Variants in KCNN2 observed in about 807,000 individuals in gnomAD.
KCNN2 encodes the protein small conductance calcium-activated potassium channel protein 2.
In KCNN2, 24 loss-of-function variants were observed where a neutral mutation model predicts 55.5. That is an observed-to-expected ratio of 0.43 (90% CI 0.31 to 0.61). KCNN2 has a LOEUF of 0.61. KCNN2 is among the 20% of genes least tolerant of loss of function. The pLI is 0.08. For missense variants in KCNN2, 754 were observed against 853.6 expected, an observed-to-expected ratio of 0.88 and a Z score of 1.45; for synonymous variants, 431 against 336.1, an observed-to-expected ratio of 1.28 and a Z score of -3.09.
intron 2 of KCNN2, among the ~76,000 whole-genome samples, chr5:114,350,832 A>G (rs1757193278): frequency 6.6e-6 from 1 of 151,910 alleles, no homozygotes; most frequent in South Asian, 2.1e-4. Flanking sequence ...ATGTTATGCC[A>G]TTACCACACT....
chr5:114,153,651 C>T (rs539642025), intron 1 of KCNN2, among the ~76,000 whole-genome samples: 19 of 152,278 alleles, frequency 1.2e-4, no homozygotes, highest in African/African-American at 2.2e-4. Flanking sequence ...ATGAATCTTA[C>T]GGTGGATAGT....
At chr5:114,267,020 G>T (rs116784772) in intron 2 of KCNN2, among the ~76,000 whole-genome samples, 1,990 of 116,876 alleles carry the variant, frequency 0.017, 29 homozygotes, top group Non-Finnish European at 0.024. Flanking sequence ...TTTTTGAGAC[G>T]AAGTCTCCCT....
chr5:114,112,190 A>G (rs1751612811), intron 1 of KCNN2, among the ~76,000 whole-genome samples: 1 of 152,188 alleles, frequency 6.6e-6, no homozygotes, highest in African/African-American at 2.4e-5. Context: ...GACATGGATG[A>G]AGCTGGAAAC....
chr5:114,089,477 A>G (rs1020273827), intron 1 of KCNN2, among the ~76,000 whole-genome samples: 28 of 152,196 alleles, frequency 1.8e-4, no homozygotes, highest in African/African-American at 6.0e-4. Flanking sequence ...TTTTAAATTC[A>G]TAATTGTTCT....
intron 2 of KCNN2, among the ~76,000 whole-genome samples, chr5:114,295,114 C>T (rs1418256176): frequency 2.0e-5 from 3 of 152,184 alleles, no homozygotes; most frequent in African/African-American, 7.2e-5. Context: ...TGTGCCCCTA[C>T]TGAGGGGTGC....
chr5:114,144,359 T>A (rs1580553562), intron 1 of KCNN2, among the ~76,000 whole-genome samples: 1 of 152,152 alleles, frequency 6.6e-6, no homozygotes, highest in Non-Finnish European at 1.5e-5. Flanking sequence ...CCAAGTAGAA[T>A]TTTTTTGCCA....
chr5:114,483,360 C>G (rs902465314), intron 5 of KCNN2, among the ~76,000 whole-genome samples: 3 of 150,518 alleles, frequency 2.0e-5, no homozygotes, highest in Non-Finnish European at 4.4e-5. Context: ...CTGCAACCTC[C>G]ACCTCCTGGG....
intron 2 of KCNN2, among the ~76,000 whole-genome samples, chr5:114,272,999 G>A (rs898881946): frequency 2.6e-5 from 4 of 151,938 alleles, no homozygotes; most frequent in African/African-American, 9.7e-5. Context: ...CCTACATTAG[G>A]CATTTCTCCT....
At chr5:114,103,512 A>G (rs532296305) in intron 1 of KCNN2, among the ~76,000 whole-genome samples, 12 of 152,292 alleles carry the variant, frequency 7.9e-5, no homozygotes, top group East Asian at 3.9e-4. Context: ...CCTGTTTTCA[A>G]AGGAATGCTT....
chr5:114,357,401 A>C, upstream of KCNN2, among the ~76,000 whole-genome samples: 2 of 135,388 alleles, frequency 1.5e-5, no homozygotes, highest in South Asian at 2.8e-4. Context: ...TGCACCCACT[A>C]ACTCGTCATC....
chr5:114,336,113 C>T (rs1246503791), intron 2 of KCNN2, among the ~76,000 whole-genome samples: 4 of 152,114 alleles, frequency 2.6e-5, no homozygotes, highest in African/African-American at 9.7e-5. Flanking sequence ...CCTTTAAGTA[C>T]ACGAATAAGG....
intron 1 of KCNN2, among the ~76,000 whole-genome samples, chr5:114,071,345 A>G (rs1750565416): frequency 6.6e-6 from 1 of 152,184 alleles, no homozygotes. Context: ...AACCCTTGTG[A>G]GAAAATCTGA....
At chr5:114,261,937 G>C (rs1755117692) in intron 2 of KCNN2, among the ~76,000 whole-genome samples, 1 of 152,146 alleles carries the variant, frequency 6.6e-6, no homozygotes. Flanking sequence ...TGAACAATCT[G>C]AAAACCTTGC....
intron 1 of KCNN2, among the ~76,000 whole-genome samples, chr5:114,169,691 C>T (rs1426053647): frequency 1.3e-5 from 2 of 152,020 alleles, no homozygotes; most frequent in African/African-American, 4.8e-5. Flanking sequence ...ATGTGCACCC[C>T]TTTTGGTGAG....
chr5:114,324,802 G>C lies in KCNN2; in HGVS notation c.-184-36143G>C, dbSNP rs551470396. Reference sequence around the variant, plus strand: ...GCAGAAGCTGGAAGAATTTTCATGAGTGTTACAGAAAAAGCCTAGATTGCC... The same window carrying C: ...GCAGAAGCTGGAAGAATTTTCATGACTGTTACAGAAAAAGCCTAGATTGCC... On this transcript the variant is annotated intron_variant, in intron 2 of 10. Transcript: ENST00000512097. 3.3e-4 allele frequency among the ~76,000 whole-genome samples: 51 copies of C among 152,292 alleles called. No homozygotes were observed. In the South Asian group the frequency reaches 0.01, roughly 30 times the overall value.
At chr5:114,154,845 C>T (rs377311506) in intron 1 of KCNN2, among the ~76,000 whole-genome samples, 2 of 152,200 alleles carry the variant, frequency 1.3e-5, no homozygotes, top group East Asian at 3.9e-4. Flanking sequence ...ACTTTTCCTA[C>T]TTGTAGCAAT....
rs1401586734 is a variant in KCNN2, at chr5:114,362,638, G to C, written c.499G>C (p.Ala167Pro). The C allele has an allele frequency of 8.1e-7, 1 of 1,228,050 alleles. No homozygotes were observed. Among genetic ancestry groups the C allele is most frequent in the Admixed American group, 3.0e-5 (1 of 33,150 alleles). 76.1% of individuals were successfully genotyped at this position (1,228,050 alleles called of 1,614,324 possible). The change falls in exon 1 of 8, where the codon GCC (alanine) becomes CCC (proline). Residue 167 changes from alanine (A) to proline (P), a missense_variant. Coordinates refer to ENST00000673685, the MANE Select transcript of KCNN2 (RefSeq NM_021614.4). Reference sequence around the variant, plus strand: ...CCAGTGCCACAGCCTGCAGCCCGCCGCCAGCCCCACGGGCAGCCTCGGCAG... The same window carrying C: ...CCAGTGCCACAGCCTGCAGCCCGCCCCCAGCCCCACGGGCAGCCTCGGCAG... ...YHQCHSLQPA[A>P]SPTGSLGSLG...
chr5:114,393,721 A>G (rs978047521), intron 2 of KCNN2, among the ~76,000 whole-genome samples: 1 of 152,090 alleles, frequency 6.6e-6, no homozygotes, highest in Non-Finnish European at 1.5e-5. Flanking sequence ...GCACATACAA[A>G]TACAAATATA....
chr5:114,396,570 A>T (rs1758626252), intron 2 of KCNN2, among the ~76,000 whole-genome samples: 1 of 143,600 alleles, frequency 7.0e-6, no homozygotes, highest in Non-Finnish European at 1.5e-5. Flanking sequence ...TTTTTTTGAG[A>T]TGGAGTCTTG....
Sources: gnomAD v4.1 joint callset for allele counts (sites outside exome capture counted in the v4.1 genomes callset) on GRCh38, gnomAD v4.1.1 for gene constraint, MANE v1.5 for transcripts, NCBI Gene and HGNC (gene_info 2026-07-23, HGNC 2026-07-21) for gene names.